SCARA3: variants seen among roughly 807,000 people sequenced by gnomAD.
The protein encoded by SCARA3 is cellular stress response gene protein.
In SCARA3, 39 loss-of-function variants were observed where a neutral mutation model predicts 47.0. The ratio of observed to expected loss-of-function variants is 0.83; its 90% CI spans 0.64 to 1.08. The LOEUF is 1.08. Ranked by LOEUF, SCARA3 falls within the 50% of genes least tolerant of loss-of-function variation. The pLI is 0.00. For synonymous variants in SCARA3, 356 were observed against 334.1 expected (o/e 1.07, Z -0.71); for missense variants, 724 against 792.3 (o/e 0.91, Z 1.04).
intron 1 of SCARA3, among the ~76,000 whole-genome samples, chr8:27,645,912 A>T (rs891090842): frequency 6.6e-6 from 1 of 152,184 alleles, no homozygotes; most frequent in African/African-American, 2.4e-5. Flanking sequence ...TCATCCATAC[A>T]TATTCTGATC....
intron 1 of SCARA3, among the ~76,000 whole-genome samples, chr8:27,642,825 A>G (rs1801410611): frequency 6.6e-6 from 1 of 152,198 alleles, no homozygotes; most frequent in Non-Finnish European, 1.5e-5. Context: ...CCTTGTCTAT[A>G]AAAAGAAACA....
the SCARA3 span, among the ~76,000 whole-genome samples, chr8:27,723,303 T>C: frequency 6.6e-6 from 1 of 152,222 alleles, no homozygotes; most frequent in Non-Finnish European, 1.5e-5. Context: ...TCTCTCCTGT[T>C]CCTTGGCTCC....
At chr8:27,650,422 T>C (rs116506082) in intron 2 of SCARA3, among the ~76,000 whole-genome samples, 6 of 152,334 alleles carry the variant, frequency 3.9e-5, no homozygotes, top group East Asian at 1.9e-4. Context: ...GGCCTGGAAC[T>C]GTCCCCTTCA....
chr8:27,727,333 T>C, the SCARA3 span, among the ~76,000 whole-genome samples: 2 of 152,240 alleles, frequency 1.3e-5, no homozygotes, highest in South Asian at 4.1e-4. Context: ...CACAGCTTTT[T>C]GTGAGGTGCA....
the SCARA3 span, among the ~76,000 whole-genome samples, chr8:27,730,417 C>T: frequency 2.6e-5 from 4 of 152,068 alleles, no homozygotes; most frequent in African/African-American, 9.7e-5. Context: ...TGAGCCACTG[C>T]TTCCGCCAGG....
chr8:27,726,760 T>C, the SCARA3 span, among the ~76,000 whole-genome samples: 2 of 152,190 alleles, frequency 1.3e-5, no homozygotes, highest in Non-Finnish European at 2.9e-5. Context: ...ATTTTAAATA[T>C]GAGCATTGTG....
the SCARA3 span, among the ~76,000 whole-genome samples, chr8:27,712,648 C>T: frequency 6.6e-6 from 1 of 151,202 alleles, no homozygotes; most frequent in East Asian, 1.9e-4. Flanking sequence ...ATTCTTCTGT[C>T]CGGATGTACC....
chr8:27,701,793 C>T, the SCARA3 span: 1 of 153,562 alleles, frequency 6.5e-6, no homozygotes. Context: ...GTTTGCAGAT[C>T]GTGAGCTGCT....
chr8:27,673,083 G>A (rs766892257), downstream of SCARA3: 7 of 824,312 alleles, frequency 8.5e-6, no homozygotes, highest in Non-Finnish European at 8.8e-6. Flanking sequence ...CTGCACTCCA[G>A]GTGGGCCTCT....
chr8:27,685,919 CAT>C, the SCARA3 span, among the ~76,000 whole-genome samples: 1 of 152,022 alleles, frequency 6.6e-6, no homozygotes, highest in East Asian at 1.9e-4. Context: ...CAAATAAACA[CAT>C]GAGGTGGGGG....
chr8:27,731,935 T>A, the SCARA3 span, among the ~76,000 whole-genome samples: 1 of 152,230 alleles, frequency 6.6e-6, no homozygotes, highest in Admixed American at 6.5e-5. Context: ...GTGGTTTTCA[T>A]CTGCTGACCC....
At chr8:27,718,497 C>T in the SCARA3 span, among the ~76,000 whole-genome samples, 4 of 152,202 alleles carry the variant, frequency 2.6e-5, no homozygotes, top group Non-Finnish European at 2.9e-5. Context: ...TCACAGACCC[C>T]CAGTGCCCAG....
In SCARA3 at chr8:27,660,532, G is replaced by GAGATAGATAGATAGATAGAT. The variant is rs11374289; in HGVS notation, c.1369+1003_1369+1022dup. Reference sequence around the variant, plus strand: ...AGGATAGAGATAAAGAGATAGAGATGAGATAGATAGATAGATAGATAGATA... The same window carrying GAGATAGATAGATAGATAGAT: ...AGGATAGAGATAAAGAGATAGAGATGAGATAGATAGATAGATAGATAGATAGATAGATAGATAGATAGATA... On this transcript the variant is annotated intron_variant, in intron 5 of 5. Coordinates refer to ENST00000301904, the MANE Select transcript of SCARA3 (RefSeq NM_016240.3). 1.7e-3 allele frequency among the ~76,000 whole-genome samples: 256 copies of GAGATAGATAGATAGATAGAT among 147,698 alleles called. 1 individual carries two copies. The highest frequency in any genetic ancestry group is 7.5e-3 in the Middle Eastern group (2 of 268).
chr8:27,708,415 G>T, the SCARA3 span, among the ~76,000 whole-genome samples: 1 of 152,122 alleles, frequency 6.6e-6, no homozygotes, highest in African/African-American at 2.4e-5. Flanking sequence ...AACCCTGACT[G>T]CTAACTTAAA....
Position 27,672,457 on chromosome 8 carries a change from T to G in SCARA3, c.*1106T>G. The G allele has an allele frequency of 1.0e-6, 1 of 985,556 alleles. No individual in the cohort carries two copies. The highest frequency in any genetic ancestry group is 1.2e-6 in the Non-Finnish European group (1 of 830,072). 61.1% of individuals were successfully genotyped at this position (985,556 alleles called of 1,614,324 possible). On this transcript the variant is annotated 3_prime_UTR_variant, in exon 6 of 6. Transcript: ENST00000301904. ...ATTCCCCAAGGGGGCTCCTCTGGAG[T>G]GGTGGGGAGGATTAGGCTGCAGAAG...
chr8:27,692,525 A>G, the SCARA3 span, among the ~76,000 whole-genome samples: 2 of 152,248 alleles, frequency 1.3e-5, no homozygotes, highest in Non-Finnish European at 2.9e-5. Flanking sequence ...TACCCCAAAT[A>G]TATATCTGTT....
In SCARA3 at chr8:27,668,559, A is replaced by AAAAAAAG. The variant is rs1239515241; in HGVS notation, c.1370-2338_1370-2337insAAAGAAA. On this transcript the variant is annotated intron_variant, in intron 5 of 5. Transcript: ENST00000301904. ...GAGACTCCGTCTCAAAAAAAAAAAAAAAAGAAATCACAGATATAGGCCAGG... is the reference window on the plus strand; with the variant it reads ...GAGACTCCGTCTCAAAAAAAAAAAAAAAAAAAGAAAGAAATCACAGATATAGGCCAGG... Among the ~76,000 whole-genome samples the AAAAAAAG allele has an allele frequency of 2.4e-4, 36 of 149,892 alleles. 2 individuals are homozygous for AAAAAAAG. The East Asian group carries it at 6.3e-3, about 26-fold the overall frequency.
At chr8:27,641,017 G>T (rs758635742) in intron 1 of SCARA3, among the ~76,000 whole-genome samples, 9 of 152,106 alleles carry the variant, frequency 5.9e-5, no homozygotes, top group Non-Finnish European at 8.8e-5. Flanking sequence ...TTAAAAAATG[G>T]TTTCATAACA....
chr8:27,697,701 G>T, the SCARA3 span, among the ~76,000 whole-genome samples: 2 of 152,252 alleles, frequency 1.3e-5, no homozygotes, highest in African/African-American at 4.8e-5. Context: ...CATGGGTGTG[G>T]TTTCCTCATA....
Sources: allele counts gnomAD v4.1 joint callset (sites outside exome capture counted in the v4.1 genomes callset), GRCh38; gene constraint gnomAD v4.1.1; transcripts MANE v1.5; gene names NCBI Gene and HGNC (gene_info 2026-07-23, HGNC 2026-07-21).